Variants in SRGAP3 observed in about 807,000 individuals in gnomAD.
SRGAP3 encodes the protein SLIT-ROBO Rho GTPase-activating protein 3.
A neutral mutation model predicts 121.1 loss-of-function variants in SRGAP3; 39 were observed. The ratio of observed to expected loss-of-function variants is 0.32; its 90% CI spans 0.25 to 0.42. The LOEUF (loss-of-function observed/expected upper bound fraction) is 0.42. Among genes scored for constraint, SRGAP3 ranks in the 10% least tolerant of loss-of-function variants. The pLI is 1.00. For synonymous variants in SRGAP3, 601 were observed against 570.0 expected (o/e 1.05, Z -0.77); for missense variants, 1,213 against 1,470.6 (o/e 0.82, Z 2.86).
intron 18 of SRGAP3, among the ~76,000 whole-genome samples, chr3:9,001,758 G>C (rs1033127250): frequency 5.9e-5 from 9 of 152,108 alleles, no homozygotes; most frequent in African/African-American, 1.7e-4. Context: ...AGGAAAGCTA[G>C]AATGACTATA....
intron 3 of SRGAP3, among the ~76,000 whole-genome samples, chr3:9,265,918 C>T (rs1954352369): frequency 6.6e-6 from 1 of 152,186 alleles, no homozygotes; most frequent in African/African-American, 2.4e-5. Context: ...AAGACACATG[C>T]ACACGTATAT....
chr3:9,057,635 T>TC (rs375349237), intron 7 of SRGAP3, among the ~76,000 whole-genome samples: 1 of 152,010 alleles, frequency 6.6e-6, no homozygotes, highest in African/African-American at 2.4e-5. Context: ...TGGAGTGGGT[T>TC]CCCCCAATGC....
In SRGAP3 at chr3:8,983,057, G is replaced by A. The variant is rs1421263357; in HGVS notation, c.*2462C>T. 4.4e-6 allele frequency: 1 copy of A among 227,294 alleles called. No homozygotes were observed. The highest frequency in any genetic ancestry group is 8.7e-6 in the Non-Finnish European group (1 of 114,436). 14.1% of individuals were successfully genotyped at this position (227,294 alleles called of 1,614,324 possible). On this transcript the variant is annotated 3_prime_UTR_variant, in exon 22 of 22. Coordinates refer to ENST00000383836, the MANE Select transcript of SRGAP3 (RefSeq NM_014850.4). The stretch of plus-strand genomic sequence containing the variant: ...CAGTTGTGGCAGATTGCTATATTTT[G>A]CCTGGGAGGCTACTGGATTTAGGAT...
At chr3:9,158,510 T>C (rs1336352715) in intron 1 of SRGAP3, among the ~76,000 whole-genome samples, 1 of 152,198 alleles carries the variant, frequency 6.6e-6, no homozygotes, top group Non-Finnish European at 1.5e-5. Context: ...ATTGTGTGAT[T>C]GAACTGATTC....
At chr3:9,229,890 C>T (rs1415178792) in intron 1 of SRGAP3, among the ~76,000 whole-genome samples, 2 of 152,220 alleles carry the variant, frequency 1.3e-5, no homozygotes, top group African/African-American at 4.8e-5. Flanking sequence ...TTCGCTGTTT[C>T]TCTGAATGGT....
Position 9,109,248 on chromosome 3 carries a change from A to G in SRGAP3, c.261-4406T>C, listed in dbSNP as rs527238483. On this transcript the variant is annotated intron_variant, in intron 2 of 21. Coordinates refer to ENST00000383836, the MANE Select transcript of SRGAP3 (RefSeq NM_014850.4). This position sits in a 1 kb window ranked among gnomAD's most constrained non-coding sequence, Gnocchi z 4.4. ...AGCCAGAAGGTGAGTTTCAGAGGGA[A>G]GGAAAAAGACAACTGATCTGGAACT... is the stretch of plus-strand genomic sequence containing the variant. 1.6e-4 allele frequency among the ~76,000 whole-genome samples: 25 copies of G among 152,156 alleles called. No individual in the cohort carries two copies. The highest frequency in any genetic ancestry group is 2.8e-4 in the Non-Finnish European group (19 of 68,020).
At chr3:9,162,944 A>C (rs1950646346) in intron 1 of SRGAP3, among the ~76,000 whole-genome samples, 1 of 152,232 alleles carries the variant, frequency 6.6e-6, no homozygotes, top group African/African-American at 2.4e-5. Flanking sequence ...TTTCAGTCTC[A>C]GCTCTGCCAC....
chr3:9,213,319 G>A (rs1307711248), intron 1 of SRGAP3, among the ~76,000 whole-genome samples: 2 of 126,998 alleles, frequency 1.6e-5, no homozygotes, highest in African/African-American at 3.4e-5. Flanking sequence ...TCCAAAACCT[G>A]CATCATCTGA....
intron 1 of SRGAP3, among the ~76,000 whole-genome samples, chr3:9,187,841 C>A (rs1227423912): frequency 1.5e-4 from 23 of 152,334 alleles, no homozygotes; most frequent in Non-Finnish European, 1.5e-5. Flanking sequence ...CCGTCAGAGA[C>A]GCCCTCAGAA....
At chr3:9,304,546 T>C (rs937782833) in intron 3 of SRGAP3, among the ~76,000 whole-genome samples, 1 of 152,194 alleles carries the variant, frequency 6.6e-6, no homozygotes, top group Non-Finnish European at 1.5e-5. Flanking sequence ...ATGGCAGAGC[T>C]GGGATTTTAC....
At chr3:9,178,663 T>G (rs1329665293) in intron 1 of SRGAP3, among the ~76,000 whole-genome samples, 1 of 152,170 alleles carries the variant, frequency 6.6e-6, no homozygotes, top group Non-Finnish European at 1.5e-5. Flanking sequence ...CCCAGGCCAG[T>G]GCTCCTGCAG....
At chr3:9,355,642 A>G (rs2030455021) in intron 1 of SRGAP3, 2 of 152,356 alleles carry the variant, frequency 1.3e-5, no homozygotes, top group Non-Finnish European at 2.9e-5. Flanking sequence ...TACAATAGAC[A>G]TATTCCTCCA....
At chr3:9,018,314 G>C (rs528338979) in intron 14 of SRGAP3, among the ~76,000 whole-genome samples, 2 of 152,136 alleles carry the variant, frequency 1.3e-5, no homozygotes, top group Non-Finnish European at 2.9e-5. Context: ...TGCAGTAAAC[G>C]TGGGAGTGCA....
chr3:9,334,372 CA>C (rs1449169427), intron 1 of SRGAP3, among the ~76,000 whole-genome samples: 4 of 151,850 alleles, frequency 2.6e-5, no homozygotes, highest in Non-Finnish European at 4.4e-5. Flanking sequence ...AGGGCTGAGG[CA>C]GTAGAGAGAC....
intron 3 of SRGAP3, among the ~76,000 whole-genome samples, chr3:9,269,367 C>T (rs1954430914): frequency 1.3e-5 from 2 of 152,108 alleles, no homozygotes; most frequent in South Asian, 4.2e-4. Context: ...CTTGTTCTAC[C>T]ACAACCAAGG....
At chr3:9,108,892 G>A (rs1317768523) in intron 2 of SRGAP3, among the ~76,000 whole-genome samples, 1 of 152,158 alleles carries the variant, frequency 6.6e-6, no homozygotes, top group Non-Finnish European at 1.5e-5. Flanking sequence ...TTCTCAACAG[G>A]AGAGCAGATC....
chr3:9,249,665 G>C (rs931255704), upstream of SRGAP3: 4 of 233,252 alleles, frequency 1.7e-5, no homozygotes, highest in African/African-American at 8.8e-5. Context: ...TGCAGGGCTG[G>C]CTGAGCTCTC....
intron 5 of SRGAP3, among the ~76,000 whole-genome samples, chr3:9,062,887 G>C (rs966871687): frequency 1.3e-5 from 2 of 152,128 alleles, no homozygotes; most frequent in Non-Finnish European, 2.9e-5. Flanking sequence ...GGATACCTAG[G>C]AATAAAATTG....
At chr3:9,085,803 C>G (rs1221704395) in intron 3 of SRGAP3, among the ~76,000 whole-genome samples, 2 of 152,136 alleles carry the variant, frequency 1.3e-5, no homozygotes, top group Admixed American at 1.3e-4. Context: ...ACACTGGGGC[C>G]TATCGGAGGA....
Sources: allele counts gnomAD v4.1 joint callset (sites outside exome capture counted in the v4.1 genomes callset), GRCh38; gene constraint gnomAD v4.1.1; non-coding constraint Gnocchi (gnomAD v3.1); transcripts MANE v1.5; gene names NCBI Gene and HGNC (gene_info 2026-07-23, HGNC 2026-07-21).